The following RASAL2 variants were observed in gnomAD, a reference collection of about 807,000 sequenced individuals.
RASAL2 encodes ras GTPase-activating protein nGAP.
A neutral mutation model predicts 128.9 loss-of-function variants in RASAL2; 58 were observed. That is an observed-to-expected ratio of 0.45 (90% CI 0.36 to 0.56). The LOEUF is 0.56. RASAL2 is among the 20% of genes least tolerant of loss of function. The pLI, the probability that RASAL2 is intolerant of heterozygous loss-of-function variation, is 0.00. For missense variants in RASAL2, 1,360 were observed against 1,601.6 expected, an observed-to-expected ratio of 0.85 and a Z score of 2.57; for synonymous variants, 561 against 580.8, an observed-to-expected ratio of 0.97 and a Z score of 0.49.
chr1:178,319,622 C>T (rs1347798531), intron 3 of RASAL2, among the ~76,000 whole-genome samples: 1 of 148,642 alleles, frequency 6.7e-6, no homozygotes, highest in Non-Finnish European at 1.5e-5. Context: ...ACGTAGTTCT[C>T]GAGCCTTGGT....
intron 1 of RASAL2, among the ~76,000 whole-genome samples, chr1:178,227,207 A>G (rs968765299): frequency 3.3e-5 from 5 of 151,960 alleles, no homozygotes; most frequent in African/African-American, 4.8e-5. Flanking sequence ...AAAAAAAAAA[A>G]CACCCTATTT....
intron 6 of RASAL2, 105 bp from the exon 7 acceptor site, chr1:178,441,444 A>T (rs920472630): frequency 1.4e-6 from 1 of 740,022 alleles, no homozygotes; most frequent in African/African-American, 1.8e-5. Context: ...ATTCCAGGAC[A>T]TTTCGACCTT....
chr1:178,331,318 C>T (rs1275666129), intron 3 of RASAL2, among the ~76,000 whole-genome samples: 3 of 152,176 alleles, frequency 2.0e-5, no homozygotes, highest in East Asian at 1.9e-4. Context: ...AGCACAGGTG[C>T]GCAGCACCAC....
chr1:178,228,464 C>A (rs1054615989), intron 1 of RASAL2, among the ~76,000 whole-genome samples: 1 of 151,944 alleles, frequency 6.6e-6, no homozygotes, highest in African/African-American at 2.4e-5. Flanking sequence ...GTGCCTGTAA[C>A]CCCAGCTACT....
At chr1:178,281,264 T>C (rs1331576868) in intron 1 of RASAL2, among the ~76,000 whole-genome samples, 3 of 151,960 alleles carry the variant, frequency 2.0e-5, no homozygotes, top group Non-Finnish European at 4.4e-5. Context: ...GAAGCATTGC[T>C]CTCTATTTCA....
At chr1:178,400,641 T>C (rs999622645) in intron 4 of RASAL2, among the ~76,000 whole-genome samples, 18 of 152,166 alleles carry the variant, frequency 1.2e-4, no homozygotes, top group African/African-American at 4.1e-4. Context: ...TCTTTAAAAG[T>C]TTTATGTTAT....
intron 1 of RASAL2, among the ~76,000 whole-genome samples, chr1:178,099,700 C>T (rs1437421273): frequency 6.6e-6 from 1 of 152,238 alleles, no homozygotes; most frequent in Non-Finnish European, 1.5e-5. Flanking sequence ...GTGGCTCACG[C>T]CTGTAATCCC....
chr1:178,351,106 G>T (rs1261284328), intron 3 of RASAL2, among the ~76,000 whole-genome samples: 1 of 152,098 alleles, frequency 6.6e-6, no homozygotes, highest in Non-Finnish European at 1.5e-5. Context: ...TCACTATCCT[G>T]ATGACAGGAC....
intron 1 of RASAL2, among the ~76,000 whole-genome samples, chr1:178,163,229 A>C (rs1571568269): frequency 6.6e-6 from 1 of 152,018 alleles, no homozygotes; most frequent in South Asian, 2.1e-4. Context: ...GCCTCCCAAA[A>C]TGCTGGGATT....
chr1:178,415,572 A>G (rs925860076), intron 4 of RASAL2, among the ~76,000 whole-genome samples: 7 of 152,122 alleles, frequency 4.6e-5, no homozygotes, highest in Non-Finnish European at 8.8e-5. Context: ...ATAGATGTCA[A>G]TTATATCCAG....
At chr1:178,382,936 G>C (rs1179097965) in intron 3 of RASAL2, among the ~76,000 whole-genome samples, 1 of 152,092 alleles carries the variant, frequency 6.6e-6, no homozygotes. Context: ...TTTCAGTTGA[G>C]AGTGTTGTTT....
intron 5 of RASAL2, among the ~76,000 whole-genome samples, chr1:178,431,258 A>G (rs1331539783): frequency 4.6e-5 from 7 of 152,138 alleles, no homozygotes; most frequent in Non-Finnish European, 1.0e-4. Flanking sequence ...TAATTTTAAC[A>G]ATTAGGAAAA....
intron 5 of RASAL2, among the ~76,000 whole-genome samples, chr1:178,425,049 G>A (rs532586241): frequency 1.3e-5 from 2 of 152,280 alleles, no homozygotes; most frequent in East Asian, 3.9e-4. Context: ...AGAGGTAAGT[G>A]TCAAGGAGGA....
intron 1 of RASAL2, among the ~76,000 whole-genome samples, chr1:178,143,495 A>G (rs1464715867): frequency 3.3e-5 from 5 of 152,120 alleles, no homozygotes; most frequent in Admixed American, 6.6e-5. Flanking sequence ...TTGTAGATCT[A>G]TATGAATTTA....
In RASAL2 at chr1:178,094,456, A is replaced by G. The variant is rs912692927; in HGVS notation, c.-37A>G. 1 of 1,508,244 alleles carries G rather than the reference A, an allele frequency of 6.6e-7. No homozygotes were observed. The highest frequency in any genetic ancestry group is 8.8e-7 in the Non-Finnish European group (1 of 1,130,120). The allele number at this position is 1,508,244 out of a possible 1,614,324, so 93.4% of individuals were successfully genotyped here. A position where few individuals can be genotyped will look rare whatever the true frequency, so the allele number is the denominator to read the frequency against. Reference sequence around the variant, plus strand: ...CGGAGCCGCGCGCCAGCCCGCCCCGAAGCCGCCGCCTCGTCCCCCTCCCGC... The same window carrying G: ...CGGAGCCGCGCGCCAGCCCGCCCCGGAGCCGCCGCCTCGTCCCCCTCCCGC... On this transcript the variant is annotated 5_prime_UTR_variant, in exon 1 of 18. Transcript: ENST00000367649.
chr1:178,215,409 G>A (rs1663392967), intron 1 of RASAL2, among the ~76,000 whole-genome samples: 1 of 152,216 alleles, frequency 6.6e-6, no homozygotes, highest in South Asian at 2.1e-4. Flanking sequence ...GAAATAGTGG[G>A]AAGTCCTAGG....
intron 8 of RASAL2, among the ~76,000 whole-genome samples, chr1:178,445,142 G>GAAA (rs59313065): frequency 2.4e-5 from 3 of 126,224 alleles, no homozygotes; most frequent in Non-Finnish European, 5.2e-5. Flanking sequence ...ACAGTATTTG[G>GAAA]AAAAAAAAAA....
At chr1:178,215,953 T>G (rs1374310474) in intron 1 of RASAL2, among the ~76,000 whole-genome samples, 2 of 152,194 alleles carry the variant, frequency 1.3e-5, no homozygotes, top group Admixed American at 1.3e-4. Flanking sequence ...TTCAGCAAAG[T>G]AACTAAATCT....
chr1:178,180,661 T>TCACACACACACACACACACACACACA (rs1455344116), intron 1 of RASAL2, among the ~76,000 whole-genome samples: 1 of 6,754 alleles, frequency 1.5e-4, no homozygotes, highest in African/African-American at 3.8e-4. Context: ...AGCGAGACTG[T>TCACACACACACACACACACACACACA]CTCACACACA....
Sources: allele counts gnomAD v4.1 joint callset (sites outside exome capture counted in the v4.1 genomes callset), GRCh38; gene constraint gnomAD v4.1.1; transcripts MANE v1.5; gene names NCBI Gene and HGNC (gene_info 2026-07-23, HGNC 2026-07-21).